Variants in EPB41L4B observed in about 807,000 individuals in gnomAD.
EPB41L4B encodes band 4.1-like protein 4B.
In EPB41L4B, 30 loss-of-function variants were observed where a neutral mutation model predicts 112.5. That is an observed-to-expected ratio of 0.27 (90% CI 0.20 to 0.36). The LOEUF is 0.36. Among genes scored for constraint, EPB41L4B ranks in the 10% least tolerant of loss-of-function variants. The probability of loss-of-function intolerance (pLI) is 1.00; values close to 1 mark genes in which losing one functional copy is unlikely to be tolerated. For synonymous variants in EPB41L4B, 408 were observed against 439.7 expected (o/e 0.93, Z 0.90); for missense variants, 1,024 against 1,133.3 (o/e 0.90, Z 1.38).
chr9:109,294,959 G>A (rs932338229), intron 1 of EPB41L4B, among the ~76,000 whole-genome samples: 4 of 152,200 alleles, frequency 2.6e-5, no homozygotes, highest in African/African-American at 9.7e-5. Flanking sequence ...GAGACTCCAG[G>A]TCACTGGGTG....
intron 2 of EPB41L4B, among the ~76,000 whole-genome samples, chr9:109,272,351 G>A (rs185871846): frequency 1.3e-5 from 2 of 152,276 alleles, no homozygotes; most frequent in Non-Finnish European, 2.9e-5. Context: ...AGTCCCAGCT[G>A]CTGAGGAGGC....
rs1831656662 is a variant in EPB41L4B, at chr9:109,172,267, A to T, written c.*2287T>A. 1 of 152,174 alleles carries T rather than the reference A, an allele frequency of 6.6e-6. No homozygotes were observed. The highest frequency in any genetic ancestry group is 6.5e-5 in the Admixed American group (1 of 15,280). 9.4% of individuals were successfully genotyped at this position (152,174 alleles called of 1,614,324 possible). On this transcript the variant is annotated 3_prime_UTR_variant, in exon 26 of 26. Coordinates refer to ENST00000374566, the MANE Select transcript of EPB41L4B (RefSeq NM_019114.5). ...CAAGAAACCTTCAGCTTTGCCCTGGAGGTTTCCATCAGCGAGCAGGAGGTG... is the reference window on the plus strand; with the variant it reads ...CAAGAAACCTTCAGCTTTGCCCTGGTGGTTTCCATCAGCGAGCAGGAGGTG...
intron 1 of EPB41L4B, among the ~76,000 whole-genome samples, chr9:109,281,351 T>C (rs921557269): frequency 1.3e-5 from 2 of 152,110 alleles, no homozygotes; most frequent in Non-Finnish European, 2.9e-5. Context: ...TCACTAGTCA[T>C]GAGGGAAATG....
chr9:109,295,007 G>A (rs559114106), intron 1 of EPB41L4B, among the ~76,000 whole-genome samples: 1 of 152,238 alleles, frequency 6.6e-6, no homozygotes, highest in Admixed American at 6.5e-5. Context: ...AAAGTGTTGC[G>A]AGATGCAGAC....
At chr9:109,315,022 C>T (rs1481149849) in intron 1 of EPB41L4B, among the ~76,000 whole-genome samples, 1 of 152,160 alleles carries the variant, frequency 6.6e-6, no homozygotes, top group African/African-American at 2.4e-5. Flanking sequence ...CTTCTCCTAG[C>T]CAGGCCCTCA....
At chr9:109,200,392 T>G in intron 19 of EPB41L4B, 58 bp from the exon 20 acceptor site, 1 of 1,356,294 alleles carries the variant, frequency 7.4e-7, no homozygotes, top group Non-Finnish European at 1.1e-6. Flanking sequence ...GGTCTCGTTT[T>G]AGCCATAGGG....
chr9:109,312,625 C>T (rs578138955), intron 1 of EPB41L4B, among the ~76,000 whole-genome samples: 1 of 152,294 alleles, frequency 6.6e-6, no homozygotes, highest in South Asian at 2.1e-4. Flanking sequence ...GTCTGCTAAA[C>T]CCTGATTCTT....
Position 109,176,669 on chromosome 9 carries a change from A to G in EPB41L4B, c.2515T>C (p.Cys839Arg). ...AGCGGGGAAGTCGGGCCAGGACAGC[A>G]CTGTAATTTACTGTCTCTGAAGTCT... is the stretch of plus-strand genomic sequence containing the variant. ...TADFRDSKLQ[C>R]CPGPTSPLIP... Residue 839 changes from cysteine (C) to arginine (R), a missense_variant, in exon 25 of 26, where the codon TGC becomes CGC. Transcript: ENST00000374566. The G allele has an allele frequency of 1.2e-6, 2 of 1,613,354 alleles. No individual in the cohort carries two copies. The highest frequency in any genetic ancestry group is 1.7e-6 in the Non-Finnish European group (2 of 1,179,858).
chr9:109,281,128 T>C (rs1836018865), intron 1 of EPB41L4B, among the ~76,000 whole-genome samples: 1 of 145,030 alleles, frequency 6.9e-6, no homozygotes. Context: ...ATGTGAGACT[T>C]TTTTTTTTTT....
rs191900233 is a variant in EPB41L4B at position 109,270,548 on chromosome 9, T to C, written c.412-2115A>G. Among the ~76,000 whole-genome samples, 182 of 152,358 alleles carry C rather than the reference T, an allele frequency of 1.2e-3. 1 individual carries two copies. Among genetic ancestry groups the C allele is most frequent in the African/African-American group, 4.3e-3 (179 of 41,586 alleles). On this transcript the variant is annotated intron_variant, in intron 2 of 25. Coordinates refer to ENST00000374566, the MANE Select transcript of EPB41L4B (RefSeq NM_019114.5). ...GGAGGGGGCTGATACAGACTTGATT[T>C]AAGCCCAATATTTACTTTCCTACCA... is the stretch of plus-strand genomic sequence containing the variant.
chr9:109,219,318 C>T (rs1235525504), intron 15 of EPB41L4B, among the ~76,000 whole-genome samples: 1 of 152,172 alleles, frequency 6.6e-6, no homozygotes, highest in Non-Finnish European at 1.5e-5. Flanking sequence ...CAAGCAGGGC[C>T]TTATTGTGCC....
intron 20 of EPB41L4B, among the ~76,000 whole-genome samples, chr9:109,194,681 C>T (rs1187825856): frequency 6.6e-6 from 1 of 152,176 alleles, no homozygotes; most frequent in South Asian, 2.1e-4. Flanking sequence ...ATATACAATT[C>T]AGTGGCATTA....
At chr9:109,200,837 C>G (rs1159025855) in intron 19 of EPB41L4B, among the ~76,000 whole-genome samples, 1 of 151,840 alleles carries the variant, frequency 6.6e-6, no homozygotes, top group African/African-American at 2.4e-5. Context: ...ATCAGAAGAC[C>G]TTTAGGACTT....
chr9:109,204,500 C>T (rs560826110), intron 18 of EPB41L4B, among the ~76,000 whole-genome samples: 1 of 152,212 alleles, frequency 6.6e-6, no homozygotes, highest in East Asian at 1.9e-4. Flanking sequence ...TTTTTGATTT[C>T]TTTATTTCTT....
At chr9:109,263,782 C>T (rs189438337) in intron 5 of EPB41L4B, among the ~76,000 whole-genome samples, 2 of 152,158 alleles carry the variant, frequency 1.3e-5, no homozygotes, top group Non-Finnish European at 2.9e-5. Context: ...GCCAGTGAGC[C>T]CCCCCGACCC....
chr9:109,204,876 G>A (rs1832943857), intron 18 of EPB41L4B, among the ~76,000 whole-genome samples: 1 of 152,098 alleles, frequency 6.6e-6, no homozygotes. Context: ...CTCTCACTAT[G>A]CACTGATGCC....
At chr9:109,237,500 C>A (rs1834188471) in intron 15 of EPB41L4B, among the ~76,000 whole-genome samples, 1 of 152,150 alleles carries the variant, frequency 6.6e-6, no homozygotes, top group Admixed American at 6.5e-5. Flanking sequence ...AGACATTGTT[C>A]ATTTGTGAAC....
intron 15 of EPB41L4B, among the ~76,000 whole-genome samples, chr9:109,236,042 C>T (rs1834129310): frequency 6.6e-6 from 1 of 152,236 alleles, no homozygotes; most frequent in African/African-American, 2.4e-5. Flanking sequence ...ACTGTGGACC[C>T]TTTAATCCTT....
At chr9:109,275,957 G>A (rs1835798636) in intron 2 of EPB41L4B, among the ~76,000 whole-genome samples, 1 of 151,624 alleles carries the variant, frequency 6.6e-6, no homozygotes, top group Non-Finnish European at 1.5e-5. Context: ...GAAGGTTCTA[G>A]GTTATGTGCC....
Sources: gnomAD v4.1 joint callset for allele counts (sites outside exome capture counted in the v4.1 genomes callset) on GRCh38, gnomAD v4.1.1 for gene constraint, MANE v1.5 for transcripts, NCBI Gene and HGNC (gene_info 2026-07-23, HGNC 2026-07-21) for gene names.